The following DSCAM variants were observed in gnomAD, a reference collection of about 807,000 sequenced individuals.
DSCAM encodes the protein cell adhesion molecule DSCAM.
A neutral mutation model predicts 217.7 loss-of-function variants in DSCAM; 47 were observed. That is an observed-to-expected ratio of 0.22 (90% CI 0.17 to 0.28). The LOEUF (loss-of-function observed/expected upper bound fraction) is 0.28, where lower values mean the gene tolerates loss of function less well. DSCAM is among the 10% of genes least tolerant of loss of function. DSCAM has a pLI of 1.00. For synonymous variants in DSCAM, 1,056 were observed against 1,015.3 expected, an observed-to-expected ratio of 1.04 and a Z score of -0.76; for missense variants, 2,080 against 2,618.3, an observed-to-expected ratio of 0.79 and a Z score of 4.49.
intron 28 of DSCAM, among the ~76,000 whole-genome samples, chr21:40,059,397 G>C (rs1770489731): frequency 6.6e-6 from 1 of 152,168 alleles, no homozygotes; most frequent in East Asian, 1.9e-4. Flanking sequence ...CAATCTTTCT[G>C]TCTGGGTGTG....
intron 3 of DSCAM, among the ~76,000 whole-genome samples, chr21:40,410,911 T>C (rs779256087): frequency 6.6e-6 from 1 of 152,154 alleles, no homozygotes; most frequent in African/African-American, 2.4e-5. Flanking sequence ...TCAACCGATG[T>C]AAACAAGTGA....
chr21:40,072,408 G>A (rs2103439), intron 27 of DSCAM, among the ~76,000 whole-genome samples: 30,240 of 149,944 alleles, frequency 0.2, 3,786 homozygotes, highest in East Asian at 0.36. Flanking sequence ...GTGCAGTGGC[G>A]GGATCTCGGC....
intron 32 of DSCAM, among the ~76,000 whole-genome samples, chr21:40,020,646 C>T (rs1185959463): frequency 6.6e-6 from 1 of 152,100 alleles, no homozygotes; most frequent in Non-Finnish European, 1.5e-5. Flanking sequence ...GTAGGAGGAT[C>T]CAGCTCATGG....
chr21:40,343,208 T>C lies in DSCAM; in HGVS notation c.1211-3793A>G, dbSNP rs192061251. On this transcript the variant is annotated intron_variant, in intron 6 of 32. Coordinates refer to ENST00000400454, the MANE Select transcript of DSCAM (RefSeq NM_001389.5). ...TTTAGAAATTGCTTTATTGTTTTCT[T>C]GGCATATTCTTTGTAAACAACAATG... is the stretch of plus-strand genomic sequence containing the variant. Among the ~76,000 whole-genome samples the C allele has an allele frequency of 5.0e-4, 76 of 152,330 alleles. 1 individual carries two copies. The highest frequency in any genetic ancestry group is 4.5e-3 in the Admixed American group (69 of 15,306).
rs199555820 is a variant in DSCAM at position 40,078,927 on chromosome 21, G to T, written c.4471C>A (p.Arg1491Ser). 2 of 1,614,234 alleles carry T rather than the reference G, an allele frequency of 1.2e-6. No homozygotes were observed. The highest frequency in any genetic ancestry group is 1.7e-6 in the Non-Finnish European group (2 of 1,180,042). The change falls in exon 26 of 33, where the codon CGC becomes AGC. Residue 1491 changes from arginine to serine, a missense_variant. Around this residue, in one of 5 missense-constraint regions of DSCAM, gnomAD observed 1,144 missense variants for 1,421.1 expected, o/e 0.81. Coordinates refer to ENST00000400454, the MANE Select transcript of DSCAM (RefSeq NM_001389.5). ...CAGCCAATGAGGTTCAGCCTCACGC[G>T]TGTGGTGTTGATGCTGGCAAACAGC... ...QELFASINTT[R>S]VRLNLIGWND...
chr21:40,116,042 A>C (rs2089966182), intron 20 of DSCAM, among the ~76,000 whole-genome samples: 1 of 152,224 alleles, frequency 6.6e-6, no homozygotes, highest in Admixed American at 6.5e-5. Flanking sequence ...TTAGCAAACT[A>C]ACATGGAAAT....
intron 18 of DSCAM, among the ~76,000 whole-genome samples, chr21:40,137,496 CA>C (rs1332924976): frequency 6.6e-6 from 1 of 151,894 alleles, no homozygotes; most frequent in Non-Finnish European, 1.5e-5. Flanking sequence ...AAGCCAGATA[CA>C]AAACTGAGTG....
intron 4 of DSCAM, among the ~76,000 whole-genome samples, chr21:40,358,394 C>T (rs1246975552): frequency 6.6e-6 from 1 of 152,192 alleles, no homozygotes; most frequent in East Asian, 1.9e-4. Flanking sequence ...ACAGCTAAAA[C>T]TATAAAAACT....
intron 3 of DSCAM, among the ~76,000 whole-genome samples, chr21:40,597,958 A>C (rs1013125259): frequency 2.6e-5 from 4 of 152,196 alleles, no homozygotes; most frequent in African/African-American, 9.7e-5. Context: ...TGTTAACTAA[A>C]GGCCGCGATT....
intron 1 of DSCAM, among the ~76,000 whole-genome samples, chr21:40,714,645 T>C (rs990338062): frequency 1.4e-4 from 22 of 152,202 alleles, no homozygotes; most frequent in African/African-American, 5.3e-4. Flanking sequence ...GATTCATAGC[T>C]CATGGCTGGA....
rs2088087921 is a variant in DSCAM at position 40,013,033 on chromosome 21, G to A, written c.*1C>T. The A allele has an allele frequency of 3.4e-6, 5 of 1,480,072 alleles. No individual in the cohort carries two copies. The highest frequency in any genetic ancestry group is 3.6e-4 in the Middle Eastern group (2 of 5,520). 91.7% of individuals were successfully genotyped at this position (1,480,072 alleles called of 1,614,324 possible). ...CAACCGCTGTCCAGTCATGCTGTCTGTTATACCAGGGTGTAAGATTTTGCG... is the reference window on the plus strand; with the variant it reads ...CAACCGCTGTCCAGTCATGCTGTCTATTATACCAGGGTGTAAGATTTTGCG... On this transcript the variant is annotated 3_prime_UTR_variant, in exon 33 of 33. Transcript: ENST00000400454.
chr21:40,530,452 G>A (rs527339493), intron 3 of DSCAM, among the ~76,000 whole-genome samples: 1 of 152,266 alleles, frequency 6.6e-6, no homozygotes, highest in South Asian at 2.1e-4. Flanking sequence ...CTTGAACTGA[G>A]TTTACACTGA....
chr21:40,368,896 C>T (rs1400758901), intron 4 of DSCAM, among the ~76,000 whole-genome samples: 2 of 152,180 alleles, frequency 1.3e-5, no homozygotes, highest in Admixed American at 1.3e-4. Context: ...GTGTCAATTA[C>T]TGGTTTGACA....
At chr21:40,214,165 C>T (rs2091215744) in intron 11 of DSCAM, among the ~76,000 whole-genome samples, 1 of 152,174 alleles carries the variant, frequency 6.6e-6, no homozygotes. Flanking sequence ...TTGCCCAGCC[C>T]ACTTAGGCTA....
At chr21:40,629,074 GTGGTGTGTGTGTGTGTGT>G (rs1305439692) in intron 3 of DSCAM, among the ~76,000 whole-genome samples, 3 of 133,406 alleles carry the variant, frequency 2.2e-5, no homozygotes, top group Admixed American at 8.2e-5. Flanking sequence ...ATGTGTGTGT[GTGGTGTGTGTGTGTGTGT>G]GTGTGTGTGT....
At chr21:40,038,912 C>CA (rs1473178758) in intron 32 of DSCAM, among the ~76,000 whole-genome samples, 1 of 149,708 alleles carries the variant, frequency 6.7e-6, no homozygotes, top group African/African-American at 2.5e-5. Flanking sequence ...TAAACTATCG[C>CA]AAGAACAAAA....
At chr21:40,485,364 T>G (rs1169952894) in intron 3 of DSCAM, among the ~76,000 whole-genome samples, 4 of 149,712 alleles carry the variant, frequency 2.7e-5, no homozygotes, top group African/African-American at 9.8e-5. Flanking sequence ...TGCCTCAGCC[T>G]CCCGAGTAGC....
chr21:40,508,042 CCA>C (rs2076223299), intron 3 of DSCAM, among the ~76,000 whole-genome samples: 1 of 152,148 alleles, frequency 6.6e-6, no homozygotes, highest in South Asian at 2.1e-4. Flanking sequence ...CTAAGTGGAG[CCA>C]CCCTACATGG....
intron 32 of DSCAM, 24 bp downstream of exon 32, chr21:40,042,347 C>A (rs1289088196): frequency 5.0e-6 from 8 of 1,607,842 alleles, no homozygotes; most frequent in Non-Finnish European, 6.8e-6. Context: ...AAGCGACGGC[C>A]CCCAGGTGGC....
Sources: allele counts gnomAD v4.1 joint callset (sites outside exome capture counted in the v4.1 genomes callset), GRCh38; gene constraint gnomAD v4.1.1; regional missense constraint gnomAD v4.1.1; transcripts MANE v1.5; gene names NCBI Gene and HGNC (gene_info 2026-07-23, HGNC 2026-07-21).